Variants in CEP41 observed in about 807,000 individuals in gnomAD.
The protein encoded by CEP41 is centrosomal protein 41.
In CEP41, 32 loss-of-function variants were observed where a neutral mutation model predicts 44.3. That is an observed-to-expected ratio of 0.72 (90% CI 0.54 to 0.97). The LOEUF is 0.97. Ranked by LOEUF, CEP41 falls within the 50% of genes least tolerant of loss-of-function variation. The pLI, the probability that CEP41 is intolerant of heterozygous loss-of-function variation, is 0.00. For missense variants in CEP41, 432 were observed against 455.2 expected, an observed-to-expected ratio of 0.95 and a Z score of 0.46; for synonymous variants, 151 against 168.5, an observed-to-expected ratio of 0.90 and a Z score of 0.80.
At chr7:130,425,077 GA>G (rs1243208824) in intron 2 of CEP41, among the ~76,000 whole-genome samples, 7 of 152,162 alleles carry the variant, frequency 4.6e-5, no homozygotes, top group African/African-American at 1.7e-4. Context: ...AAGGTATACA[GA>G]AAACAAACAA....
At chr7:130,422,562 C>G (rs1338837242) in intron 2 of CEP41, among the ~76,000 whole-genome samples, 2 of 152,122 alleles carry the variant, frequency 1.3e-5, no homozygotes, top group African/African-American at 4.8e-5. Context: ...AGGTAGAAAA[C>G]TTTTTCTGAA....
At chr7:130,402,015 G>C (rs1252121072) in intron 7 of CEP41, 67 bp from the exon 8 acceptor site, 3 of 1,097,168 alleles carry the variant, frequency 2.7e-6, no homozygotes, top group Non-Finnish European at 4.2e-6. Flanking sequence ...TCAATTCCCA[G>C]CTGGTTTAAA....
intron 5 of CEP41, among the ~76,000 whole-genome samples, chr7:130,407,274 AC>A (rs1554418404): frequency 9.9e-5 from 15 of 151,574 alleles, no homozygotes; most frequent in African/African-American, 3.6e-4. Flanking sequence ...ACACACACAC[AC>A]ACACACACAC....
At chr7:130,440,786 G>GCCCC in intron 1 of CEP41, 148 bp downstream of exon 1, 1 of 224,410 alleles carries the variant, frequency 4.5e-6, no homozygotes, top group Non-Finnish European at 8.3e-6. Context: ...AGCCCGGCCC[G>GCCCC]CCCCGCCCCT....
At chr7:130,411,034 C>T (rs1370822748) in intron 5 of CEP41, 88 bp downstream of exon 5, 1 of 1,166,110 alleles carries the variant, frequency 8.6e-7, no homozygotes, top group Non-Finnish European at 1.3e-6. Context: ...GTCCCAGTCC[C>T]TGGGAACAGA....
chr7:130,407,258 ACACACACAC>A (rs1562981657), intron 5 of CEP41, among the ~76,000 whole-genome samples: 8 of 116,500 alleles, frequency 6.9e-5, no homozygotes, highest in African/African-American at 1.8e-4. Flanking sequence ...GAGTAAACAC[ACACACACAC>A]ACACACACAC....
At chr7:130,399,074 A>C in intron 10 of CEP41, 35 bp from the exon 11 acceptor site, 1 of 1,611,718 alleles carries the variant, frequency 6.2e-7, no homozygotes. Flanking sequence ...CAGAGCTGCA[A>C]GAATGATTCC....
rs782305944 is a variant in CEP41 at position 130,440,889 on chromosome 7, G to C, written c.33+45C>G. On this transcript the variant is annotated intron_variant, in intron 1 of 10. Transcript: ENST00000223208. ...TCCCTGCCCACATGAGCCTTTTCCGGTGCGCCCGCCCCCTCCGGCTCTCCG... is the reference window on the plus strand; with the variant it reads ...TCCCTGCCCACATGAGCCTTTTCCGCTGCGCCCGCCCCCTCCGGCTCTCCG... 80 of 1,602,232 alleles carry C rather than the reference G, an allele frequency of 5.0e-5. 1 individual carries two copies. Among genetic ancestry groups the C allele is most frequent in the Middle Eastern group, 1.6e-4 (1 of 6,062 alleles).
intron 8 of CEP41, 99 bp downstream of exon 8, chr7:130,401,782 A>ATTT (rs1796850993): frequency 1.2e-6 from 1 of 802,264 alleles, no homozygotes. Flanking sequence ...ATAATATCAA[A>ATTT]GGTCCTTCAC....
chr7:130,400,827 A>C lies in CEP41; in HGVS notation c.643-6T>G. On this transcript the variant is annotated splice_polypyrimidine_tract_variant and splice_region_variant and intron_variant, in intron 8 of 10. Transcript: ENST00000223208. ...ATCTTGCCATGGGCATTTTTCTAAG[A>C]GTCAGATGAGTTAAGGTTCCAAGGC... 1.3e-6 allele frequency: 2 copies of C among 1,576,500 alleles called. No homozygotes were observed. Among genetic ancestry groups the C allele is most frequent in the South Asian group, 1.1e-5 (1 of 88,504 alleles).
chr7:130,426,097 GT>G (rs1159510065), intron 2 of CEP41, among the ~76,000 whole-genome samples: 2 of 152,218 alleles, frequency 1.3e-5, no homozygotes, highest in African/African-American at 4.8e-5. Context: ...CAATATCACA[GT>G]TGTGATAGTG....
intron 5 of CEP41, among the ~76,000 whole-genome samples, chr7:130,410,689 C>A (rs973273368): frequency 2.6e-5 from 4 of 152,146 alleles, no homozygotes; most frequent in Non-Finnish European, 5.9e-5. Context: ...TTTTAAAATT[C>A]TGCCACCTTA....
chr7:130,406,814 T>C (rs1797024413), intron 5 of CEP41, among the ~76,000 whole-genome samples: 1 of 151,400 alleles, frequency 6.6e-6, no homozygotes, highest in Non-Finnish European at 1.5e-5. Context: ...CTATAAAATA[T>C]ACTCTCCGGT....
intron 1 of CEP41, among the ~76,000 whole-genome samples, chr7:130,433,065 A>T (rs1236040189): frequency 3.3e-5 from 5 of 152,244 alleles, no homozygotes; most frequent in African/African-American, 1.2e-4. Flanking sequence ...CAAGTCAGAG[A>T]ACAAGAGGTC....
chr7:130,402,343 C>CAAAA (rs150874127), intron 7 of CEP41, among the ~76,000 whole-genome samples: 5 of 76,604 alleles, frequency 6.5e-5, no homozygotes, highest in East Asian at 7.9e-4. Flanking sequence ...AAGGTATTAA[C>CAAAA]AAAAAAAAAA....
At chr7:130,440,705 G>A (rs968673880) in intron 1 of CEP41, 5 of 613,524 alleles carry the variant, frequency 8.1e-6, no homozygotes, top group Admixed American at 5.6e-5. Context: ...GCAGTCACAA[G>A]TACTGGCGTG....
At position 130,394,540 on chromosome 7, in the gene CEP41, G is replaced by C. The variant is rs1163309701; in HGVS notation, c.*4351C>G. ...TTGGGAGGATACTTTAAGCCTGGCA[G>C]AGACAGGGTAATAACACCCCCAGCA... On this transcript the variant is annotated 3_prime_UTR_variant, in exon 11 of 11. Transcript: ENST00000223208. 1 of 453,966 alleles carries C rather than the reference G, an allele frequency of 2.2e-6. No homozygotes were observed. Among genetic ancestry groups the C allele is most frequent in the East Asian group, 6.9e-5 (1 of 14,404 alleles). 28.1% of individuals were successfully genotyped at this position (453,966 alleles called of 1,614,324 possible). A position where few individuals can be genotyped will look rare whatever the true frequency, so the allele number is the denominator to read the frequency against.
At chr7:130,435,263 T>G (rs117481508) in intron 1 of CEP41, among the ~76,000 whole-genome samples, 1 of 152,088 alleles carries the variant, frequency 6.6e-6, no homozygotes, top group South Asian at 2.1e-4. Context: ...TCATTAAAAG[T>G]ATAGAATTAA....
At chr7:130,399,706 C>T in intron 10 of CEP41, 2 of 296,044 alleles carry the variant, frequency 6.8e-6, no homozygotes, top group South Asian at 7.0e-5. Flanking sequence ...TGTAATCCCA[C>T]CTACTCGGGA....
Sources: allele counts gnomAD v4.1 joint callset (sites outside exome capture counted in the v4.1 genomes callset), GRCh38; gene constraint gnomAD v4.1.1; transcripts MANE v1.5; gene names NCBI Gene and HGNC (gene_info 2026-07-23, HGNC 2026-07-21).